The following CNTN5 variants were observed in gnomAD, a reference collection of about 807,000 sequenced individuals.
The protein encoded by CNTN5 is contactin 5.
In CNTN5, 77 loss-of-function variants were observed where a neutral mutation model predicts 129.1. The observed-to-expected ratio is 0.60, with a 90% CI of 0.50 to 0.72. The LOEUF is 0.72. Among genes scored for constraint, CNTN5 ranks in the 30% least tolerant of loss-of-function variants. The pLI, the probability that CNTN5 is intolerant of heterozygous loss-of-function variation, is 0.00. For synonymous variants in CNTN5, 509 were observed against 465.6 expected (o/e 1.09, Z -1.20); for missense variants, 1,478 against 1,328.8 (o/e 1.11, Z -1.75).
intron 13 of CNTN5, among the ~76,000 whole-genome samples, chr11:100,082,119 G>T (rs1389813414): frequency 1.6e-5 from 2 of 127,634 alleles, no homozygotes; most frequent in Non-Finnish European, 3.1e-5. Context: ...CAAAAAAATT[G>T]TGTGTGTATG....
At chr11:99,089,419 T>C (rs2135311262) in intron 1 of CNTN5, among the ~76,000 whole-genome samples, 1 of 152,316 alleles carries the variant, frequency 6.6e-6, no homozygotes, top group African/African-American at 2.4e-5. Flanking sequence ...TTTAATCCTA[T>C]AAGATAAGCA....
At chr11:99,141,863 T>A (rs1859531297) in intron 1 of CNTN5, among the ~76,000 whole-genome samples, 1 of 152,172 alleles carries the variant, frequency 6.6e-6, no homozygotes, top group Admixed American at 6.5e-5. Context: ...AAATGTGTAG[T>A]TGGTATGATT....
intron 3 of CNTN5, among the ~76,000 whole-genome samples, chr11:99,691,122 A>G (rs892456350): frequency 6.7e-6 from 1 of 148,380 alleles, no homozygotes; most frequent in Non-Finnish European, 1.5e-5. Context: ...ATTGTTTCTG[A>G]TTGTGTTTAT....
chr11:99,547,001 T>G (rs570901327), intron 2 of CNTN5, among the ~76,000 whole-genome samples: 35 of 106,144 alleles, frequency 3.3e-4, no homozygotes, highest in African/African-American at 1.3e-3. Context: ...GAAAATTATT[T>G]TCTTTTTTTT....
intron 9 of CNTN5, among the ~76,000 whole-genome samples, chr11:100,010,919 CT>C (rs1486215304): frequency 2.0e-5 from 3 of 152,078 alleles, no homozygotes; most frequent in Admixed American, 6.6e-5. Flanking sequence ...AGTCTCTTAC[CT>C]TTCAGTGTGA....
chr11:99,696,435 A>G (rs2134829622), intron 3 of CNTN5, among the ~76,000 whole-genome samples: 1 of 152,232 alleles, frequency 6.6e-6, no homozygotes, highest in East Asian at 1.9e-4. Context: ...CAAATTAGCC[A>G]AAAGCAATAA....
intron 22 of CNTN5, 126 bp from the exon 23 acceptor site, chr11:100,340,967 T>C: frequency 1.4e-6 from 1 of 718,034 alleles, no homozygotes; most frequent in Non-Finnish European, 2.4e-6. Flanking sequence ...TGACTCCAGC[T>C]GGAAGGAAGC....
At chr11:99,972,874 T>C (rs528005107) in intron 8 of CNTN5, among the ~76,000 whole-genome samples, 1 of 152,290 alleles carries the variant, frequency 6.6e-6, no homozygotes, top group African/African-American at 2.4e-5. Context: ...TCCACAGTAC[T>C]CCCAGATATT....
chr11:99,341,631 A>G (rs1445242341), intron 2 of CNTN5, among the ~76,000 whole-genome samples: 1 of 152,184 alleles, frequency 6.6e-6, no homozygotes, highest in Non-Finnish European at 1.5e-5. Flanking sequence ...AGTAAGTCAC[A>G]TGTCTTGTAC....
chr11:99,483,402 T>G (rs900328668), intron 2 of CNTN5, among the ~76,000 whole-genome samples: 4 of 152,048 alleles, frequency 2.6e-5, no homozygotes, highest in African/African-American at 9.7e-5. Flanking sequence ...GTGCGCATGC[T>G]CACTTGAGGC....
At chr11:100,009,995 AGG>A (rs1280184860) in intron 9 of CNTN5, among the ~76,000 whole-genome samples, 3 of 152,122 alleles carry the variant, frequency 2.0e-5, no homozygotes, top group Non-Finnish European at 4.4e-5. Context: ...CATTCAATCT[AGG>A]GACCTTAATG....
intron 2 of CNTN5, among the ~76,000 whole-genome samples, chr11:99,461,774 T>C (rs1353848512): frequency 6.6e-6 from 1 of 152,174 alleles, no homozygotes; most frequent in Non-Finnish European, 1.5e-5. Flanking sequence ...TCTGCTAAAG[T>C]GCTAACACTT....
intron 9 of CNTN5, among the ~76,000 whole-genome samples, chr11:100,012,067 A>G (rs1433151087): frequency 3.3e-5 from 5 of 152,328 alleles, no homozygotes; most frequent in East Asian, 1.9e-4. Flanking sequence ...AAATCAAATT[A>G]CTTAATCATT....
chr11:99,780,096 T>G (rs1945260395), intron 3 of CNTN5, among the ~76,000 whole-genome samples: 1 of 152,038 alleles, frequency 6.6e-6, no homozygotes, highest in African/African-American at 2.4e-5. Flanking sequence ...AAAAATGTTT[T>G]GGCAACGTTG....
intron 2 of CNTN5, among the ~76,000 whole-genome samples, chr11:99,554,583 G>C (rs902636246): frequency 2.6e-5 from 4 of 152,196 alleles, no homozygotes; most frequent in South Asian, 2.1e-4. Flanking sequence ...AATAGAGCGA[G>C]AAGTACCAAT....
intron 1 of CNTN5, among the ~76,000 whole-genome samples, chr11:99,077,245 G>A (rs1865613321): frequency 2.0e-5 from 3 of 152,154 alleles, no homozygotes; most frequent in Admixed American, 1.3e-4. Flanking sequence ...TAAAGTAAAA[G>A]TTAAGTGATA....
intron 9 of CNTN5, among the ~76,000 whole-genome samples, chr11:100,055,035 A>T (rs2137765963): frequency 6.7e-6 from 1 of 150,126 alleles, no homozygotes; most frequent in Non-Finnish European, 1.5e-5. Context: ...GCCTAAAAAA[A>T]AAAAAAAAAA....
intron 2 of CNTN5, among the ~76,000 whole-genome samples, chr11:99,417,205 T>A (rs1274165057): frequency 1.3e-5 from 2 of 152,202 alleles, no homozygotes; most frequent in East Asian, 3.8e-4. Context: ...TTCTATTATT[T>A]TTCAATAAGT....
chr11:99,111,893 A>G (rs1215534479), intron 1 of CNTN5, among the ~76,000 whole-genome samples: 1 of 152,058 alleles, frequency 6.6e-6, no homozygotes, highest in African/African-American at 2.4e-5. Flanking sequence ...GTCCTCTACT[A>G]GACAATCATG....
Sources: gnomAD v4.1 joint callset for allele counts (sites outside exome capture counted in the v4.1 genomes callset) on GRCh38, gnomAD v4.1.1 for gene constraint, MANE v1.5 for transcripts, NCBI Gene and HGNC (gene_info 2026-07-23, HGNC 2026-07-21) for gene names.